The following PCDH15 variants were observed in gnomAD, a reference collection of about 807,000 sequenced individuals.
PCDH15 encodes protocadherin related 15.
Under a neutral mutation model 178.5 loss-of-function variants are expected in PCDH15, and 129 were observed. The ratio of observed to expected loss-of-function variants is 0.72; its 90% CI spans 0.63 to 0.84. The LOEUF is 0.84. Among genes scored for constraint, PCDH15 ranks in the 40% least tolerant of loss-of-function variants. The pLI, the probability that PCDH15 is intolerant of heterozygous loss-of-function variation, is 0.00. For synonymous variants in PCDH15, 800 were observed against 732.0 expected, an observed-to-expected ratio of 1.09 and a Z score of -1.50; for missense variants, 2,230 against 2,099.9, an observed-to-expected ratio of 1.06 and a Z score of -1.21.
intron 28 of PCDH15, among the ~76,000 whole-genome samples, chr10:53,841,723 C>G (rs991064250): frequency 6.6e-6 from 1 of 152,156 alleles, no homozygotes; most frequent in Non-Finnish European, 1.5e-5. Context: ...ACTGGTCTCT[C>G]GGCTTCGCAA....
intron 1 of PCDH15, among the ~76,000 whole-genome samples, chr10:55,317,254 A>C (rs1843746319): frequency 6.6e-6 from 1 of 152,198 alleles, no homozygotes; most frequent in African/African-American, 2.4e-5. Flanking sequence ...TTTACCAGCC[A>C]CAAAGCAATG....
intron 8 of PCDH15, among the ~76,000 whole-genome samples, chr10:54,257,689 G>T (rs1229300486): frequency 1.3e-5 from 2 of 152,050 alleles, no homozygotes; most frequent in African/African-American, 4.8e-5. Flanking sequence ...CCTTACATGT[G>T]TAGGATTGGA....
intron 1 of PCDH15, among the ~76,000 whole-genome samples, chr10:54,681,869 C>A (rs1484581014): frequency 6.6e-6 from 1 of 152,092 alleles, no homozygotes; most frequent in Non-Finnish European, 1.5e-5. Flanking sequence ...ATGGACACAC[C>A]TGCACAGTAA....
intron 3 of PCDH15, among the ~76,000 whole-genome samples, chr10:54,447,986 A>G (rs560407244): frequency 6.6e-6 from 1 of 151,780 alleles, no homozygotes; most frequent in African/African-American, 2.4e-5. Context: ...CCCATATGTT[A>G]TAATATTTAA....
intron 23 of PCDH15, among the ~76,000 whole-genome samples, chr10:53,944,283 C>T (rs188525444): frequency 2.1e-4 from 32 of 152,196 alleles, no homozygotes; most frequent in Admixed American, 1.8e-3. Context: ...GATCTATGGG[C>T]TGTCAGTTTA....
intron 3 of PCDH15, among the ~76,000 whole-genome samples, chr10:54,865,622 G>A (rs774631558): frequency 6.6e-6 from 1 of 151,952 alleles, no homozygotes; most frequent in Non-Finnish European, 1.5e-5. Context: ...CAACAGGTGG[G>A]GATTACAATT....
chr10:54,099,513 A>AAAAAAAAAAAATAT (rs1347306483), intron 15 of PCDH15, among the ~76,000 whole-genome samples: 8 of 117,922 alleles, frequency 6.8e-5, no homozygotes, highest in African/African-American at 1.5e-4. Flanking sequence ...AAAAAAAAAA[A>AAAAAAAAAAAATAT]ATATATATAT....
chr10:54,590,298 C>T (rs991297772), intron 2 of PCDH15, among the ~76,000 whole-genome samples: 4 of 151,982 alleles, frequency 2.6e-5, no homozygotes, highest in Admixed American at 6.6e-5. Context: ...CAGAAGTGAC[C>T]GAATACATTT....
intron 10 of PCDH15, among the ~76,000 whole-genome samples, chr10:54,212,251 CATAAAATAGTCA>C (rs1245853876): frequency 2.0e-5 from 3 of 152,066 alleles, no homozygotes; most frequent in African/African-American, 7.2e-5. Context: ...TAATAATTAA[CATAAAATAGTCA>C]ATGTAAGAAG....
chr10:55,616,650 A>T (rs1843484258), intron 2 of PCDH15, among the ~76,000 whole-genome samples: 1 of 152,162 alleles, frequency 6.6e-6, no homozygotes, highest in Non-Finnish European at 1.5e-5. Flanking sequence ...GTCAGGGAGA[A>T]TGGGAACCTG....
At chr10:54,363,813 A>G (rs1946405393) in intron 5 of PCDH15, among the ~76,000 whole-genome samples, 1 of 152,248 alleles carries the variant, frequency 6.6e-6, no homozygotes, top group African/African-American at 2.4e-5. Context: ...CTTAAAATAA[A>G]TAAATATAAT....
At chr10:55,474,318 G>A (rs931263152) in intron 2 of PCDH15, among the ~76,000 whole-genome samples, 3 of 152,156 alleles carry the variant, frequency 2.0e-5, no homozygotes, top group African/African-American at 7.2e-5. Flanking sequence ...TGAGCAGAAA[G>A]TAGCATCATT....
intron 15 of PCDH15, among the ~76,000 whole-genome samples, chr10:54,119,442 TAAAGA>T (rs1015367387): frequency 2.6e-5 from 4 of 151,476 alleles, no homozygotes; most frequent in African/African-American, 9.7e-5. Flanking sequence ...CAGACAAAAA[TAAAGA>T]AAAAAGAATT....
At chr10:53,958,289 T>C (rs142528111) in intron 23 of PCDH15, among the ~76,000 whole-genome samples, 353 of 152,334 alleles carry the variant, frequency 2.3e-3, no homozygotes, top group Non-Finnish European at 4.2e-3. Context: ...TGGAATTTAA[T>C]GTAGACTCCC....
At chr10:54,063,327 CT>C (rs1322859578) in intron 18 of PCDH15, among the ~76,000 whole-genome samples, 1 of 152,200 alleles carries the variant, frequency 6.6e-6, no homozygotes, top group Non-Finnish European at 1.5e-5. Context: ...ATACAACTAA[CT>C]TTCCCTAACA....
At chr10:55,530,807 G>A (rs1841435540) in intron 2 of PCDH15, among the ~76,000 whole-genome samples, 1 of 151,916 alleles carries the variant, frequency 6.6e-6, no homozygotes, top group Admixed American at 6.6e-5. Flanking sequence ...CATAGTAGAG[G>A]AAGCAGGATT....
intron 3 of PCDH15, among the ~76,000 whole-genome samples, chr10:54,832,793 A>G (rs903589804): frequency 6.6e-6 from 1 of 152,192 alleles, no homozygotes; most frequent in Non-Finnish European, 1.5e-5. Context: ...ACAGATAAAA[A>G]TAGAGTTCTG....
chr10:54,551,989 C>G (rs1432026326), intron 2 of PCDH15, among the ~76,000 whole-genome samples: 1 of 151,912 alleles, frequency 6.6e-6, no homozygotes, highest in Non-Finnish European at 1.5e-5. Context: ...ACAAGAAATG[C>G]TGGAAATATT....
chr10:55,534,543 G>C (rs1342875102), intron 2 of PCDH15, among the ~76,000 whole-genome samples: 1 of 152,042 alleles, frequency 6.6e-6, no homozygotes, highest in African/African-American at 2.4e-5. Flanking sequence ...CAGTCAGAAT[G>C]GCTATTATGA....
Sources: allele counts gnomAD v4.1 joint callset (sites outside exome capture counted in the v4.1 genomes callset), GRCh38; gene constraint gnomAD v4.1.1; transcripts MANE v1.5; gene names NCBI Gene and HGNC (gene_info 2026-07-23, HGNC 2026-07-21).